Variants in CELF2 observed in about 807,000 individuals in gnomAD.
CELF2 encodes CUGBP Elav-like family member 2, also known as CUG triplet repeat RNA-binding protein 2.
In CELF2, 8 loss-of-function variants were observed where a neutral mutation model predicts 62.6. The observed-to-expected ratio is 0.13, with a 90% CI of 0.07 to 0.23. CELF2 has a LOEUF of 0.23. Ranked by LOEUF, CELF2 falls within the 10% of genes least tolerant of loss-of-function variation. The probability of loss-of-function intolerance (pLI) is 1.00; values close to 1 mark genes in which losing one functional copy is unlikely to be tolerated. For missense variants in CELF2, 333 were observed against 671.0 expected, an observed-to-expected ratio of 0.50 and a Z score of 5.56; for synonymous variants, 258 against 250.0, an observed-to-expected ratio of 1.03 and a Z score of -0.30.
rs1297590245 is a variant in CELF2, at chr10:11,247,794, GC to G, written c.355-1358del. ...TCTGCCCATCTCCCCCAGGCATGTTGCTGGTCCTTCTCTCCATTTCTATAGG... is the reference window on the plus strand; with the variant it reads ...TCTGCCCATCTCCCCCAGGCATGTTGTGGTCCTTCTCTCCATTTCTATAGG... On this transcript the variant is annotated intron_variant, in intron 3 of 12. Transcript: ENST00000633077. This position sits in a 1 kb window ranked among gnomAD's most constrained non-coding sequence, Gnocchi z 5.4. Among the ~76,000 whole-genome samples, 1 of 152,186 alleles carries G rather than the reference GC, an allele frequency of 6.6e-6. No homozygotes were observed. The highest frequency in any genetic ancestry group is 2.4e-5 in the African/African-American group (1 of 41,430).
At chr10:10,800,078 C>A (rs1240311701) in intron 1 of CELF2, among the ~76,000 whole-genome samples, 1 of 145,938 alleles carries the variant, frequency 6.9e-6, no homozygotes, top group African/African-American at 2.6e-5. Context: ...ATTCATGACT[C>A]TGTCTTCATG....
the CELF2 span, among the ~76,000 whole-genome samples, chr10:10,715,174 T>C: frequency 6.6e-6 from 1 of 152,204 alleles, no homozygotes; most frequent in African/African-American, 2.4e-5. Context: ...TGGATCATTT[T>C]AAAGCACAAA....
In CELF2 at chr10:11,324,258, A is replaced by G. The variant is rs1322911986; in HGVS notation, c.1295-1578A>G. On this transcript the variant is annotated intron_variant, in intron 11 of 12. Coordinates refer to ENST00000633077, the MANE Select transcript of CELF2 (RefSeq NM_001326342.2). The surrounding 1 kb of genome is among the most constrained non-coding windows in gnomAD (Gnocchi z 4.7). ...TACTTCACAGTTCAAACTGGGGCCC[A>G]ATAACTCTCATTTGTGCATTTGGAT... Among the ~76,000 whole-genome samples the G allele has an allele frequency of 6.6e-6, 1 of 152,226 alleles. No homozygotes were observed. The highest frequency in any genetic ancestry group is 1.5e-5 in the Non-Finnish European group (1 of 68,036).
chr10:10,673,392 C>T, the CELF2 span, among the ~76,000 whole-genome samples: 2 of 151,986 alleles, frequency 1.3e-5, no homozygotes, highest in Non-Finnish European at 2.9e-5. Context: ...AACCCTTTTT[C>T]ATTTCTGATA....
chr10:10,519,442 A>G, the CELF2 span, among the ~76,000 whole-genome samples: 1 of 152,194 alleles, frequency 6.6e-6, no homozygotes, highest in East Asian at 1.9e-4. Flanking sequence ...TGCCTGTACT[A>G]CTAATATTAA....
upstream of CELF2, among the ~76,000 whole-genome samples, chr10:11,004,187 C>T (rs2054817100): frequency 6.6e-6 from 1 of 152,044 alleles, no homozygotes; most frequent in Non-Finnish European, 1.5e-5. This position sits in a 1 kb window ranked among gnomAD's most constrained non-coding sequence, Gnocchi z 5.0. Flanking sequence ...TATTATTATC[C>T]CCAGTAATGC....
At chr10:10,476,474 G>A in the CELF2 span, among the ~76,000 whole-genome samples, 3 of 152,122 alleles carry the variant, frequency 2.0e-5, no homozygotes, top group Admixed American at 1.3e-4. Context: ...AATCAGGAAG[G>A]GAGGTATCAA....
chr10:11,275,377 A>G (rs1386094295), intron 8 of CELF2, among the ~76,000 whole-genome samples: 1 of 152,238 alleles, frequency 6.6e-6, no homozygotes, highest in Non-Finnish European at 1.5e-5. Flanking sequence ...CATCTATATC[A>G]ACAAATGATT....
At chr10:10,794,739 C>T (rs1177768946), upstream of CELF2, 11 of 152,130 alleles carry the variant, frequency 7.2e-5, no homozygotes, top group Non-Finnish European at 8.8e-5. Context: ...CTTACTCGTG[C>T]CACAAGGCCC....
At chr10:11,013,626 T>C (rs1547221), upstream of CELF2, among the ~76,000 whole-genome samples, 132,289 of 152,204 alleles carry the variant, frequency 0.87, 58,502 homozygotes, top group East Asian at 1. The surrounding 1 kb of genome is among the most constrained non-coding windows in gnomAD (Gnocchi z 4.1). Flanking sequence ...TCTCAAGCAA[T>C]GGTGACTACT....
chr10:11,216,638 C>T (rs1309630736), intron 2 of CELF2, among the ~76,000 whole-genome samples: 2 of 152,202 alleles, frequency 1.3e-5, no homozygotes. Flanking sequence ...TCTAGGATTT[C>T]CATACCGTTT....
the CELF2 span, among the ~76,000 whole-genome samples, chr10:10,542,469 C>G: frequency 1.3e-5 from 2 of 152,212 alleles, no homozygotes; most frequent in African/African-American, 4.8e-5. Context: ...AAGGCAGCCA[C>G]CATCTCTTGC....
At chr10:11,197,026 A>AAGGAAGGAAGGAAGGAAGGAAGG (rs774739669) in intron 2 of CELF2, among the ~76,000 whole-genome samples, 1 of 1,610 alleles carries the variant, frequency 6.2e-4, no homozygotes, top group African/African-American at 8.0e-4. Context: ...GAAAGAAAGA[A>AAGGAAGGAAGGAAGGAAGGAAGG]AAGAAAGAAA....
At chr10:10,731,308 C>T in the CELF2 span, among the ~76,000 whole-genome samples, 1 of 151,798 alleles carries the variant, frequency 6.6e-6, no homozygotes, top group African/African-American at 2.4e-5. Context: ...GCCCATTTAG[C>T]CAATATAGAA....
At chr10:10,891,579 T>C (rs968516761) in intron 1 of CELF2, among the ~76,000 whole-genome samples, 1 of 152,098 alleles carries the variant, frequency 6.6e-6, no homozygotes, top group Non-Finnish European at 1.5e-5. Flanking sequence ...AACAAACTGC[T>C]GCTCAGATGT....
At chr10:10,537,956 T>C in the CELF2 span, among the ~76,000 whole-genome samples, 1 of 151,998 alleles carries the variant, frequency 6.6e-6, no homozygotes, top group African/African-American at 2.4e-5. Context: ...GTGCAGTGCA[T>C]ACAGTCCAAG....
the CELF2 span, among the ~76,000 whole-genome samples, chr10:10,778,727 T>G: frequency 6.6e-6 from 1 of 152,226 alleles, no homozygotes. Flanking sequence ...AATAAATTTT[T>G]AAGACCAAAA....
intron 2 of CELF2, among the ~76,000 whole-genome samples, chr10:11,193,245 A>AC (rs2056506951): frequency 6.6e-6 from 1 of 152,126 alleles, no homozygotes; most frequent in Non-Finnish European, 1.5e-5. Flanking sequence ...CAGGGCTGTC[A>AC]TTGCTTCCTG....
the CELF2 span, among the ~76,000 whole-genome samples, chr10:10,709,830 G>A: frequency 3.3e-5 from 5 of 152,122 alleles, no homozygotes; most frequent in African/African-American, 7.2e-5. Flanking sequence ...CCCTCAGCTG[G>A]CATCAATGTG....
Sources: allele counts gnomAD v4.1 joint callset (sites outside exome capture counted in the v4.1 genomes callset), GRCh38; gene constraint gnomAD v4.1.1; non-coding constraint Gnocchi (gnomAD v3.1); transcripts MANE v1.5; gene names NCBI Gene and HGNC (gene_info 2026-07-23, HGNC 2026-07-21).